The following GOLGA8H variants were observed in gnomAD, a reference collection of about 807,000 sequenced individuals.
GOLGA8H encodes the protein golgin subfamily A member 8H.
GOLGA8H carries 47 observed loss-of-function variants against 82.7 expected under a neutral mutation model. That is an observed-to-expected ratio of 0.57 (90% CI 0.45 to 0.73). The LOEUF (loss-of-function observed/expected upper bound fraction) is 0.73, where lower values mean the gene tolerates loss of function less well. Among genes scored for constraint, GOLGA8H ranks in the 30% least tolerant of loss-of-function variants. The pLI is 0.00. For missense variants in GOLGA8H, 372 were observed against 661.0 expected (o/e 0.56, Z 4.79); for synonymous variants, 108 against 241.6 (o/e 0.45, Z 5.13).
At position 30,615,304 on chromosome 15, in the gene GOLGA8H, G is replaced by T. The variant is rs1209005884; in HGVS notation, c.*743G>T. On this transcript the variant is annotated 3_prime_UTR_variant, in exon 19 of 19. Transcript: ENST00000566740. ...TATTATGGTGGTTCCCTTAGGATTTGTATGTGCTCTGGGCTCATGAAGATA... is the reference window on the plus strand; with the variant it reads ...TATTATGGTGGTTCCCTTAGGATTTTTATGTGCTCTGGGCTCATGAAGATA... Among the ~76,000 whole-genome samples the T allele has an allele frequency of 6.6e-6, 1 of 151,804 alleles. No homozygotes were observed. Among genetic ancestry groups the T allele is most frequent in the East Asian group, 1.9e-4 (1 of 5,142 alleles).
rs1312654678 is a variant in GOLGA8H at position 30,609,812 on chromosome 15, A to C, written c.598A>C (p.Ser200Arg). 6.5e-7 allele frequency: 1 copy of C among 1,546,364 alleles called. No individual in the cohort carries two copies. The highest frequency in any genetic ancestry group is 2.3e-5 in the East Asian group (1 of 43,328). ...TQKKKANQLS[S>R]RSKARTEWKL... Reference sequence around the variant, plus strand: ...CTCACTCTTCACCATCCAGTTGTCCAGCCGCAGCAAAGCACGTACGGAGTG... The same window carrying C: ...CTCACTCTTCACCATCCAGTTGTCCCGCCGCAGCAAAGCACGTACGGAGTG... Residue 200 changes from serine to arginine, a missense_variant, in exon 9 of 19, where the codon AGC becomes CGC. By Grantham distance (110) the Ser-to-Arg change is moderately radical. Transcript: ENST00000566740.
chr15:30,612,545 G>C (rs895850874), intron 13 of GOLGA8H, 52 bp from the exon 14 acceptor site: 5 of 1,575,384 alleles, frequency 3.2e-6, no homozygotes, highest in African/African-American at 1.4e-5. Context: ...GGGGCTGTGA[G>C]GGGGACGACC....
Position 30,610,389 on chromosome 15 carries a change from G to A in GOLGA8H, c.874G>A (p.Ala292Thr), listed in dbSNP as rs2060000325. The A allele has an allele frequency of 1.0e-6, 1 of 971,154 alleles. No homozygotes were observed. Among genetic ancestry groups the A allele is most frequent in the Admixed American group, 2.0e-5 (1 of 50,814 alleles). 60.2% of individuals were successfully genotyped at this position (971,154 alleles called of 1,614,324 possible). A position where few individuals can be genotyped will look rare whatever the true frequency, so the allele number is the denominator to read the frequency against. Residue 292 changes from alanine (A) to threonine (T), a missense_variant and splice_region_variant, in exon 11 of 19, where the codon GCT (alanine) becomes ACT (threonine). Ala to Thr is a moderately conservative substitution (Grantham distance 58). Coordinates refer to ENST00000566740, the MANE Select transcript of GOLGA8H (RefSeq NM_001282490.2). ...RSLSKLKNQMAEPLPPEPPAV... is the reference protein window; with the variant it reads ...RSLSKLKNQMTEPLPPEPPAV... ...CTTGTCCAAACTCAAAAACCAGATG[G>A]GTAAGATGGGGCTGGCATGACCTGG...
In GOLGA8H at chr15:30,611,447, G is replaced by C. The variant is rs1276838158; in HGVS notation, c.1200+101G>C. 1.3e-5 allele frequency: 20 copies of C among 1,525,428 alleles called. No homozygotes were observed. The Admixed American group carries it at 3.7e-4, about 28-fold the overall frequency. The allele number at this position is 1,525,428 out of a possible 1,614,324, so 94.5% of individuals were successfully genotyped here. ...CCAGGCCAGAGGCAGCTTCCAGCCT[G>C]GGGGCTGGTGACCACAGCACCCCGC... On this transcript the variant is annotated intron_variant, in intron 13 of 18. Transcript: ENST00000566740.
In GOLGA8H at chr15:30,605,957, G is replaced by A. The variant is rs919366835; in HGVS notation, c.163G>A (p.Gly55Arg). 18 of 1,595,876 alleles carry A rather than the reference G, an allele frequency of 1.1e-5. No individual in the cohort carries two copies. The highest frequency in any genetic ancestry group is 8.1e-5 in the African/African-American group (6 of 74,374). Residue 55 changes from glycine (G) to arginine (R), a missense_variant, in exon 2 of 19, where the codon GGG (glycine) becomes AGG (arginine). By Grantham distance (125) the Gly-to-Arg change is moderately radical. Transcript: ENST00000566740. Reference protein sequence around the residue: ...KATSGGCQPPGDSATGFHREG... With the variant: ...KATSGGCQPPRDSATGFHREG... ...CACTTCTGGTGGTTGCCAGCCACCTGGGGATGTGAGTCTTGGCTGACCAGG... is the reference window on the plus strand; with the variant it reads ...CACTTCTGGTGGTTGCCAGCCACCTAGGGATGTGAGTCTTGGCTGACCAGG...
chr15:30,610,247 C>G (rs2059997480), intron 10 of GOLGA8H, 55 bp from the exon 11 acceptor site: 1 of 897,184 alleles, frequency 1.1e-6, no homozygotes, highest in East Asian at 2.5e-5. Context: ...AGAGGGCAGC[C>G]TGTCCAGCCT....
At chr15:30,610,150 G>C (rs750842478) in intron 10 of GOLGA8H, 44 bp downstream of exon 10, 1 of 1,608,046 alleles carries the variant, frequency 6.2e-7, no homozygotes, top group South Asian at 1.1e-5. Context: ...ATAGGTCACT[G>C]GATCTTTCTG....
intron 13 of GOLGA8H, 84 bp downstream of exon 13, chr15:30,611,430 G>C (rs1451690132): frequency 6.6e-7 from 1 of 1,505,166 alleles, no homozygotes; most frequent in Non-Finnish European, 8.9e-7. Flanking sequence ...TGCCAGGCCA[G>C]AGGCAGCTTC....
At chr15:30,606,094 C>T (rs1233130618) in intron 2 of GOLGA8H, 132 bp downstream of exon 2, 11 of 1,446,910 alleles carry the variant, frequency 7.6e-6, no homozygotes, top group African/African-American at 7.2e-5. Context: ...GTGGCCCACG[C>T]CTGTAATCCT....
chr15:30,605,654 T>A lies in GOLGA8H; in HGVS notation c.49-189T>A, dbSNP rs866614237. Among the ~76,000 whole-genome samples the A allele has an allele frequency of 3.6e-4, 54 of 151,028 alleles. 1 individual carries two copies. The highest frequency in any genetic ancestry group is 2.7e-3 in the Admixed American group (41 of 15,210). ...GAGTTTCAAAGTTCCAGTATTGCCT[T>A]TTTCTTTTTTTTTTCTAGCCATGAT... On this transcript the variant is annotated intron_variant, in intron 1 of 18. Coordinates refer to ENST00000566740, the MANE Select transcript of GOLGA8H (RefSeq NM_001282490.2).
chr15:30,613,343 G>A lies in GOLGA8H; in HGVS notation c.1368+148G>A, dbSNP rs1221807594. On this transcript the variant is annotated intron_variant, in intron 15 of 18. Transcript: ENST00000566740. ...GTGGTCAGACTCCATTTCACCTGTGGCCAACAGGTGCACTCTCTGAGGCTC... is the reference window on the plus strand; with the variant it reads ...GTGGTCAGACTCCATTTCACCTGTGACCAACAGGTGCACTCTCTGAGGCTC... 27 of 752,878 alleles carry A rather than the reference G, an allele frequency of 3.6e-5. 7 individuals carry two copies. In the Admixed American group the frequency reaches 5.0e-4, roughly 14 times the overall value. The allele number at this position is 752,878 out of a possible 1,614,324, so 46.6% of individuals were successfully genotyped here.
chr15:30,607,629 T>G, intron 4 of GOLGA8H: 1 of 426,792 alleles, frequency 2.3e-6, no homozygotes. Context: ...ACCTCAGGGC[T>G]AAGGGCTCCT....
intron 8 of GOLGA8H, among the ~76,000 whole-genome samples, chr15:30,609,141 G>T (rs2059976529): frequency 8.2e-6 from 1 of 121,614 alleles, no homozygotes; most frequent in African/African-American, 3.4e-5. Flanking sequence ...GTGTGTGTGT[G>T]TGTGCATACT....
chr15:30,605,831 T>A lies in GOLGA8H; in HGVS notation c.49-12T>A. 6.3e-7 allele frequency: 1 copy of A among 1,591,204 alleles called. No individual in the cohort carries two copies. The highest frequency in any genetic ancestry group is 8.5e-7 in the Non-Finnish European group (1 of 1,174,638). On this transcript the variant is annotated splice_polypyrimidine_tract_variant and intron_variant, in intron 1 of 18. Coordinates refer to ENST00000566740, the MANE Select transcript of GOLGA8H (RefSeq NM_001282490.2). ...CGGTTCTCATGAGTATTACTGCTCT[T>A]CTTTCCAACAGTTAAAAGAATATTG...
chr15:30,606,150 C>A (rs1002982967), intron 2 of GOLGA8H, among the ~76,000 whole-genome samples, 188 bp downstream of exon 2: 28 of 151,674 alleles, frequency 1.8e-4, no homozygotes. Flanking sequence ...GTCAGGCGAT[C>A]GAGACCATCC....
At chr15:30,608,404 C>T (rs1273265806) in intron 6 of GOLGA8H, 26 bp downstream of exon 6, 4 of 1,570,846 alleles carry the variant, frequency 2.5e-6, no homozygotes, top group Non-Finnish European at 3.4e-6. Flanking sequence ...GCAGTTTCCT[C>T]CTGTCCTCCG....
In GOLGA8H at chr15:30,614,309, G is replaced by T. The variant is rs201416624; in HGVS notation, c.1723+8G>T. ...CTGCAGACAAGCATGGTGGTGAGTAGAGCCCTCAGGTGGGGTGGGCAGGCA... is the reference window on the plus strand; with the variant it reads ...CTGCAGACAAGCATGGTGGTGAGTATAGCCCTCAGGTGGGGTGGGCAGGCA... On this transcript the variant is annotated splice_region_variant and intron_variant, in intron 18 of 18. Transcript: ENST00000566740. 5,398 of 1,548,502 alleles carry T rather than the reference G, an allele frequency of 3.5e-3. 65 individuals are homozygous for T. Among genetic ancestry groups the T allele is most frequent in the Non-Finnish European group, 3.3e-3 (3,854 of 1,150,876 alleles).
chr15:30,605,743 A>C, intron 1 of GOLGA8H, 100 bp from the exon 2 acceptor site: 1 of 1,540,978 alleles, frequency 6.5e-7, no homozygotes, highest in Non-Finnish European at 8.7e-7. Context: ...GTGTCATTAA[A>C]TCAGATGGTG....
At position 30,610,334 on chromosome 15, in the gene GOLGA8H, T is replaced by C. The variant is rs1595626167; in HGVS notation, c.819T>C (p.Asp273=). 6 of 1,436,858 alleles carry C rather than the reference T, an allele frequency of 4.2e-6. No individual in the cohort carries two copies. The highest frequency in any genetic ancestry group is 5.7e-6 in the Non-Finnish European group (6 of 1,051,302). 89.0% of individuals were successfully genotyped at this position (1,436,858 alleles called of 1,614,324 possible). A position where few individuals can be genotyped will look rare whatever the true frequency, so the allele number is the denominator to read the frequency against. The stretch of plus-strand genomic sequence containing the variant: ...CATTAAAGAAAGAGAAGCAGCAAGA[T>C]ATGCGTCGGGTAGAGAAGCTGGAGA... The part of the protein sequence containing the change: ...ICTLKKEKQQ[D]MRRVEKLERS... The change falls in exon 11 of 19, where the codon GAT becomes GAC. Residue 273 remains aspartate (D), a synonymous_variant. Coordinates refer to ENST00000566740, the MANE Select transcript of GOLGA8H (RefSeq NM_001282490.2).
Sources: gnomAD v4.1 joint callset for allele counts (sites outside exome capture counted in the v4.1 genomes callset) on GRCh38, gnomAD v4.1.1 for gene constraint, MANE v1.5 for transcripts, NCBI Gene and HGNC (gene_info 2026-07-23, HGNC 2026-07-21) for gene names.